The following DLGAP1 variants were observed in gnomAD, a reference collection of about 807,000 sequenced individuals.
The protein encoded by DLGAP1 is disks large-associated protein 1.
DLGAP1 carries 11 observed loss-of-function variants against 90.8 expected under a neutral mutation model. The observed-to-expected ratio is 0.12, with a 90% CI of 0.08 to 0.20. The LOEUF (loss-of-function observed/expected upper bound fraction) is 0.20, where lower values mean the gene tolerates loss of function less well. Among genes scored for constraint, DLGAP1 ranks in the 10% least tolerant of loss-of-function variants. The pLI, the probability that DLGAP1 is intolerant of heterozygous loss-of-function variation, is 1.00. For missense variants in DLGAP1, 1,050 were observed against 1,333.8 expected (o/e 0.79, Z 3.31); for synonymous variants, 558 against 540.7 (o/e 1.03, Z -0.44).
intron 7 of DLGAP1, among the ~76,000 whole-genome samples, chr18:3,617,681 C>G (rs571369798): frequency 3.8e-4 from 58 of 151,816 alleles, no homozygotes; most frequent in Admixed American, 1.7e-3. Flanking sequence ...TAGACTTGCT[C>G]CATGCATGGT....
chr18:4,216,295 C>T (rs955047192), intron 1 of DLGAP1, among the ~76,000 whole-genome samples: 7 of 151,762 alleles, frequency 4.6e-5, no homozygotes, highest in African/African-American at 1.7e-4. Context: ...TAAATTACCC[C>T]CCCCCCACCA....
At chr18:4,309,357 A>G (rs1202121696) in intron 1 of DLGAP1, among the ~76,000 whole-genome samples, 1 of 152,174 alleles carries the variant, frequency 6.6e-6, no homozygotes, top group Non-Finnish European at 1.5e-5. Context: ...GGGTCAGGTG[A>G]GAAAAGTTTT....
In DLGAP1 at chr18:3,940,690, C is replaced by T. The variant is rs115462022; in HGVS notation, c.-72-60550G>A. On this transcript the variant is annotated intron_variant, in intron 3 of 12. Coordinates refer to ENST00000315677, the MANE Select transcript of DLGAP1 (RefSeq NM_004746.4). ...ATCAAATGTTGGCACTGCAGATAAC[C>T]GTAGAAGCATCCTTAAACAGACAAA... Among the ~76,000 whole-genome samples the T allele has an allele frequency of 6.1e-3, 924 of 152,276 alleles. 12 individuals carry two copies. The highest frequency in any genetic ancestry group is 0.021 in the African/African-American group (884 of 41,546).
chr18:3,803,016 A>G (rs1440375018), intron 5 of DLGAP1, among the ~76,000 whole-genome samples: 1 of 152,170 alleles, frequency 6.6e-6, no homozygotes, highest in Non-Finnish European at 1.5e-5. Flanking sequence ...GCCATTGGTA[A>G]AGTGGTAAAT....
chr18:4,265,090 T>C (rs1031677314), intron 1 of DLGAP1, among the ~76,000 whole-genome samples: 7 of 148,688 alleles, frequency 4.7e-5, no homozygotes, highest in African/African-American at 1.8e-4. Context: ...ATCTTAATCA[T>C]ATTAATGTAA....
chr18:4,262,077 AT>A (rs2079014739), intron 1 of DLGAP1, among the ~76,000 whole-genome samples: 1 of 152,214 alleles, frequency 6.6e-6, no homozygotes, highest in African/African-American at 2.4e-5. Flanking sequence ...CTAACATTCT[AT>A]AGTCTCAACT....
chr18:4,453,310 TATTC>T (rs2083880683), intron 1 of DLGAP1, among the ~76,000 whole-genome samples: 1 of 152,200 alleles, frequency 6.6e-6, no homozygotes, highest in African/African-American at 2.4e-5. Context: ...TGCATAGACA[TATTC>T]ATTATTTCTT....
At chr18:4,149,275 T>C (rs182622562) in intron 2 of DLGAP1, among the ~76,000 whole-genome samples, 263 of 152,340 alleles carry the variant, frequency 1.7e-3, no homozygotes, top group African/African-American at 5.2e-3. Context: ...TGCCATCTAC[T>C]GAAGACGGAC....
chr18:4,342,552 C>T lies in DLGAP1; in HGVS notation c.-267+112454G>A, dbSNP rs1448293873. Among the ~76,000 whole-genome samples, 1 of 152,014 alleles carries T rather than the reference C, an allele frequency of 6.6e-6. No individual in the cohort carries two copies. The highest frequency in any genetic ancestry group is 1.5e-5 in the Non-Finnish European group (1 of 68,022). ...CATATGGTGCATTTACTTGTAAATG[C>T]TTTGATGAAATAATTTAATTACATC... On this transcript the variant is annotated intron_variant, in intron 1 of 12. Transcript: ENST00000315677. This position sits in a 1 kb window ranked among gnomAD's most constrained non-coding sequence, Gnocchi z 5.8.
intron 2 of DLGAP1, among the ~76,000 whole-genome samples, chr18:4,113,800 T>C (rs535146519): frequency 4.6e-5 from 7 of 152,204 alleles, no homozygotes; most frequent in African/African-American, 1.4e-4. Flanking sequence ...TGGTGAAACA[T>C]AGGGGTCTAG....
chr18:3,824,277 G>A (rs2067591644), intron 4 of DLGAP1, among the ~76,000 whole-genome samples: 1 of 152,130 alleles, frequency 6.6e-6, no homozygotes, highest in African/African-American at 2.4e-5. Flanking sequence ...GCAGAGATGT[G>A]GGTAGAAGAT....
chr18:3,891,088 A>G (rs1335383273), intron 3 of DLGAP1, among the ~76,000 whole-genome samples: 1 of 152,086 alleles, frequency 6.6e-6, no homozygotes, highest in African/African-American at 2.4e-5. Context: ...TTAACATTAC[A>G]CCTTCAACTT....
intron 1 of DLGAP1, among the ~76,000 whole-genome samples, chr18:4,297,701 C>T (rs374123661): frequency 2.0e-5 from 3 of 152,244 alleles, no homozygotes; most frequent in East Asian, 3.9e-4. Context: ...TTCTATTCTC[C>T]GGATGAGATT....
At position 3,657,219 on chromosome 18, in the gene DLGAP1, G is replaced by A. The variant is rs151186984; in HGVS notation, c.1591+71916C>T. On this transcript the variant is annotated intron_variant, in intron 7 of 12. Transcript: ENST00000315677. The stretch of plus-strand genomic sequence containing the variant: ...AACAAAAATGTCTGCAGTTTCATTC[G>A]GTTGAAGTCCTGGTTCTCTTTCAAA... 2.4e-3 allele frequency among the ~76,000 whole-genome samples: 370 copies of A among 152,238 alleles called. 2 individuals are homozygous for A. Among genetic ancestry groups the A allele is most frequent in the African/African-American group, 8.6e-3 (359 of 41,550 alleles).
intron 10 of DLGAP1, among the ~76,000 whole-genome samples, chr18:3,520,015 A>G (rs111770018): frequency 0.22 from 33,391 of 152,126 alleles, 3,728 homozygotes; most frequent in Middle Eastern, 0.37. Flanking sequence ...CTGCACGTTC[A>G]GCACATGTAT....
intron 3 of DLGAP1, among the ~76,000 whole-genome samples, chr18:3,932,467 T>C (rs1364969674): frequency 6.6e-6 from 1 of 152,156 alleles, no homozygotes; most frequent in Non-Finnish European, 1.5e-5. Flanking sequence ...GCCTCTAAGA[T>C]GGAACATTGC....
At chr18:4,229,160 A>C (rs1422261480) in intron 1 of DLGAP1, among the ~76,000 whole-genome samples, 1 of 152,002 alleles carries the variant, frequency 6.6e-6, no homozygotes, top group African/African-American at 2.4e-5. Flanking sequence ...AAAACTATGA[A>C]ACATTGATGA....
intron 3 of DLGAP1, among the ~76,000 whole-genome samples, chr18:3,951,546 A>G (rs1370863643): frequency 6.6e-6 from 1 of 152,108 alleles, no homozygotes; most frequent in East Asian, 1.9e-4. Context: ...TTTTTTTGTA[A>G]TTTCAAGAAA....
At chr18:4,030,033 C>T (rs1350499859) in intron 2 of DLGAP1, among the ~76,000 whole-genome samples, 1 of 152,196 alleles carries the variant, frequency 6.6e-6, no homozygotes, top group Non-Finnish European at 1.5e-5. Context: ...CGCTCTGTCA[C>T]CCAGGCTGGA....
Sources: allele counts gnomAD v4.1 joint callset (sites outside exome capture counted in the v4.1 genomes callset), GRCh38; gene constraint gnomAD v4.1.1; non-coding constraint Gnocchi (gnomAD v3.1); transcripts MANE v1.5; gene names NCBI Gene and HGNC (gene_info 2026-07-23, HGNC 2026-07-21).